SLCO4C1: variants seen among roughly 807,000 people sequenced by gnomAD.
The protein encoded by SLCO4C1 is solute carrier organic anion transporter family member 4C1.
A neutral mutation model predicts 72.1 loss-of-function variants in SLCO4C1; 58 were observed. The ratio of observed to expected loss-of-function variants is 0.80; its 90% CI spans 0.65 to 1.00. The LOEUF (loss-of-function observed/expected upper bound fraction) is 1.00, where lower values mean the gene tolerates loss of function less well. SLCO4C1 is among the 50% of genes least tolerant of loss of function. The pLI is 0.00. For missense variants in SLCO4C1, 898 were observed against 857.9 expected (o/e 1.05, Z -0.58); for synonymous variants, 297 against 312.5 (o/e 0.95, Z 0.52).
chr5:102,279,543 ATT>A (rs796962472), intron 2 of SLCO4C1, among the ~76,000 whole-genome samples: 3 of 152,182 alleles, frequency 2.0e-5, no homozygotes, highest in African/African-American at 7.2e-5. Context: ...GAGGAGGAAC[ATT>A]TCTCAATTTA....
chr5:102,257,618 C>CTTT (rs34481556), intron 7 of SLCO4C1, among the ~76,000 whole-genome samples: 5 of 143,150 alleles, frequency 3.5e-5, no homozygotes, highest in Non-Finnish European at 7.6e-5. Context: ...GTTTAAGTGT[C>CTTT]TTTTTTTTTT....
intron 5 of SLCO4C1, among the ~76,000 whole-genome samples, chr5:102,261,464 A>G (rs116297067): frequency 0.044 from 6,510 of 149,492 alleles, 427 homozygotes; most frequent in African/African-American, 0.14. Flanking sequence ...CATACAGTAA[A>G]AAAAAAAAAA....
chr5:102,236,779 T>C lies in SLCO4C1; in HGVS notation c.*79A>G. 1 of 1,377,828 alleles carries C rather than the reference T, an allele frequency of 7.3e-7. No homozygotes were observed. Among genetic ancestry groups the C allele is most frequent in the Non-Finnish European group, 1.0e-6 (1 of 990,696 alleles). The allele number at this position is 1,377,828 out of a possible 1,614,324, so 85.4% of individuals were successfully genotyped here. ...AATATGATTGTCCATATTGGATAGA[T>C]AATCCTGCCATGGCAATGTGTGTTC... On this transcript the variant is annotated 3_prime_UTR_variant, in exon 13 of 13. Coordinates refer to ENST00000310954, the MANE Select transcript of SLCO4C1 (RefSeq NM_180991.5).
chr5:102,264,020 T>A (rs1309351502), intron 3 of SLCO4C1, among the ~76,000 whole-genome samples: 3 of 152,076 alleles, frequency 2.0e-5, no homozygotes, highest in African/African-American at 7.2e-5. Context: ...AAATTATAAA[T>A]CCATGGAAAG....
At chr5:102,244,281 T>C (rs1748599192) in intron 10 of SLCO4C1, among the ~76,000 whole-genome samples, 1 of 151,990 alleles carries the variant, frequency 6.6e-6, no homozygotes, top group African/African-American at 2.4e-5. Context: ...GCAGAACTGA[T>C]AAAACAGAAT....
rs139677195 is a variant in SLCO4C1 at position 102,259,054 on chromosome 5, C to T, written c.1129-967G>A. Among the ~76,000 whole-genome samples the T allele has an allele frequency of 2.0e-4, 30 of 151,946 alleles. No individual in the cohort carries two copies. The East Asian group carries it at 5.4e-3, about 27-fold the overall frequency. ...AAAGATGAAAAGAATAAGTCAGAAT[C>T]GCACTAACATAAAACTTCTCAAATA... On this transcript the variant is annotated intron_variant, in intron 6 of 12. Coordinates refer to ENST00000310954, the MANE Select transcript of SLCO4C1 (RefSeq NM_180991.5).
intron 10 of SLCO4C1, among the ~76,000 whole-genome samples, chr5:102,243,998 C>A (rs1182125692): frequency 2.0e-5 from 3 of 152,092 alleles, no homozygotes; most frequent in Non-Finnish European, 2.9e-5. Flanking sequence ...CTCAGCCTGG[C>A]CAACATAGTG....
At chr5:102,284,042 A>G (rs1384134223) in intron 2 of SLCO4C1, among the ~76,000 whole-genome samples, 1 of 152,194 alleles carries the variant, frequency 6.6e-6, no homozygotes, top group African/African-American at 2.4e-5. Context: ...ATCTTACTCA[A>G]AAAGATTACG....
intron 2 of SLCO4C1, among the ~76,000 whole-genome samples, chr5:102,288,198 C>T (rs958957609): frequency 6.6e-6 from 1 of 152,122 alleles, no homozygotes; most frequent in African/African-American, 2.4e-5. Flanking sequence ...TATGTAAACA[C>T]GTATTTTGGG....
intron 2 of SLCO4C1, among the ~76,000 whole-genome samples, chr5:102,281,633 C>T (rs1255280805): frequency 1.3e-5 from 2 of 152,022 alleles, no homozygotes; most frequent in Admixed American, 6.6e-5. Context: ...AGACATTTCA[C>T]CAAAGATGAT....
At chr5:102,294,348 T>C (rs1749609249) in intron 1 of SLCO4C1, among the ~76,000 whole-genome samples, 1 of 152,188 alleles carries the variant, frequency 6.6e-6, no homozygotes, top group Non-Finnish European at 1.5e-5. Context: ...GCCCAGCCTA[T>C]TGGGTCACTA....
At chr5:102,241,463 T>C (rs1383868729) in intron 10 of SLCO4C1, among the ~76,000 whole-genome samples, 1 of 150,686 alleles carries the variant, frequency 6.6e-6, no homozygotes, top group African/African-American at 2.4e-5. Flanking sequence ...ACACCAACAA[T>C]GAACAAAAGA....
At chr5:102,254,656 A>G (rs75659240) in intron 8 of SLCO4C1, among the ~76,000 whole-genome samples, 7,404 of 152,274 alleles carry the variant, frequency 0.049, 552 homozygotes, top group African/African-American at 0.16. Flanking sequence ...AAAAATTACA[A>G]CTTGCTGAAG....
chr5:102,247,906 A>G (rs568124186), intron 9 of SLCO4C1, among the ~76,000 whole-genome samples: 42 of 145,628 alleles, frequency 2.9e-4, no homozygotes, highest in African/African-American at 8.6e-4. Flanking sequence ...CATTGTTCCA[A>G]AGGCCAGAAA....
Position 102,239,370 on chromosome 5 carries a change from A to G in SLCO4C1, c.1895T>C (p.Ile632Thr), listed in dbSNP as rs1748497443. ...GCTGTCTATTGTGAAACCAAATATAATTGGTCCAGGAATTGTCCCTAAAAG... is the reference window on the plus strand; with the variant it reads ...GCTGTCTATTGTGAAACCAAATATAGTTGGTCCAGGAATTGTCCCTAAAAG... ...LRLLGTIPGPIIFGFTIDSTC... is the reference protein window; with the variant it reads ...LRLLGTIPGPTIFGFTIDSTC... Residue 632 changes from isoleucine (I) to threonine (T), a missense_variant, in exon 12 of 13, where the codon ATT (isoleucine) becomes ACT (threonine). Ile to Thr is a moderately conservative substitution (Grantham distance 89). Coordinates refer to ENST00000310954, the MANE Select transcript of SLCO4C1 (RefSeq NM_180991.5). The G allele has an allele frequency of 6.3e-7, 1 of 1,589,726 alleles. No individual in the cohort carries two copies. The highest frequency in any genetic ancestry group is 8.6e-7 in the Non-Finnish European group (1 of 1,168,988).
chr5:102,239,208 C>A, intron 12 of SLCO4C1, 43 bp downstream of exon 12: 1 of 1,420,566 alleles, frequency 7.0e-7, no homozygotes, highest in Non-Finnish European at 9.3e-7. Flanking sequence ...TTTTTTTTTA[C>A]ATCCTTAGTT....
intron 12 of SLCO4C1, among the ~76,000 whole-genome samples, chr5:102,238,963 A>C (rs368695157): frequency 7.9e-5 from 12 of 152,156 alleles, no homozygotes; most frequent in Non-Finnish European, 1.5e-4. Flanking sequence ...TATACTTTCC[A>C]AAAATGTTTG....
rs767720671 is a variant in SLCO4C1 at position 102,291,408 on chromosome 5, C to T, written c.554G>A (p.Gly185Glu). ...TTGTGGCAATGAGAATACAAGTGCT[C>T]CCAGTCCAATCATAAAGGCTGCAAA... ...LAFAAFMIGL[G>E]ALVFSLPQFF... Residue 185 changes from glycine (G) to glutamate (E), a missense_variant, in exon 2 of 13, where the codon GGA becomes GAA. Physicochemically the swap from Gly to Glu is moderately conservative, Grantham distance 98. Coordinates refer to ENST00000310954, the MANE Select transcript of SLCO4C1 (RefSeq NM_180991.5). 5.0e-6 allele frequency: 8 copies of T among 1,613,990 alleles called. No individual in the cohort carries two copies. Among genetic ancestry groups the T allele is most frequent in the Non-Finnish European group, 6.8e-6 (8 of 1,180,018 alleles).
chr5:102,269,427 C>A (rs913769442), intron 3 of SLCO4C1, among the ~76,000 whole-genome samples: 1 of 151,804 alleles, frequency 6.6e-6, no homozygotes, highest in Non-Finnish European at 1.5e-5. Flanking sequence ...GTCAGAAATT[C>A]TTTCTGTTTG....
Sources: gnomAD v4.1 joint callset for allele counts (sites outside exome capture counted in the v4.1 genomes callset) on GRCh38, gnomAD v4.1.1 for gene constraint, MANE v1.5 for transcripts, NCBI Gene and HGNC (gene_info 2026-07-23, HGNC 2026-07-21) for gene names.